Variants in TMTC2 observed in about 807,000 individuals in gnomAD.
The protein encoded by TMTC2 is transmembrane O-mannosyltransferase targeting cadherins 2.
A neutral mutation model predicts 82.4 loss-of-function variants in TMTC2; 43 were observed. The observed-to-expected ratio is 0.52, with a 90% CI of 0.41 to 0.67. The LOEUF (loss-of-function observed/expected upper bound fraction) is 0.67, where lower values mean the gene tolerates loss of function less well. Ranked by LOEUF, TMTC2 falls within the 30% of genes least tolerant of loss-of-function variation. The pLI is 0.00. For synonymous variants in TMTC2, 408 were observed against 381.9 expected, an observed-to-expected ratio of 1.07 and a Z score of -0.80; for missense variants, 919 against 1,012.4, an observed-to-expected ratio of 0.91 and a Z score of 1.25.
At chr12:82,742,359 T>TAAA (rs11454243) in intron 1 of TMTC2, among the ~76,000 whole-genome samples, 3 of 148,428 alleles carry the variant, frequency 2.0e-5, no homozygotes, top group South Asian at 2.1e-4. Flanking sequence ...TGAAGAAGTT[T>TAAA]AAAAAAAAAA....
chr12:82,875,273 G>T (rs1332927814), intron 2 of TMTC2, among the ~76,000 whole-genome samples: 1 of 151,928 alleles, frequency 6.6e-6, no homozygotes, highest in Admixed American at 6.6e-5. Context: ...TTTTACAAGG[G>T]ACTTTTATGT....
At chr12:82,939,649 T>C (rs1332046840) in intron 4 of TMTC2, among the ~76,000 whole-genome samples, 5 of 152,176 alleles carry the variant, frequency 3.3e-5, no homozygotes, top group African/African-American at 1.2e-4. Context: ...TATCCAATTA[T>C]TGGATAGCTA....
intron 9 of TMTC2, among the ~76,000 whole-genome samples, chr12:83,035,780 C>T (rs191748557): frequency 4.9e-4 from 75 of 152,158 alleles, no homozygotes; most frequent in African/African-American, 1.3e-3. Flanking sequence ...AAGGTCAAGA[C>T]GAGAAGTCTC....
rs533030948 is a variant in TMTC2 at position 82,934,417 on chromosome 12, C to T, written c.1598+3872C>T. On this transcript the variant is annotated intron_variant, in intron 4 of 11. Transcript: ENST00000321196. ...TTGACAGGCCCCGGTGTGTGATATTCCCCTCCCTGCGTCCATGTGTTCTCA... is the reference window on the plus strand; with the variant it reads ...TTGACAGGCCCCGGTGTGTGATATTTCCCTCCCTGCGTCCATGTGTTCTCA... Among the ~76,000 whole-genome samples the T allele has an allele frequency of 3.8e-4, 56 of 147,856 alleles. 1 individual carries two copies. The South Asian group carries it at 0.013, about 33-fold the overall frequency.
At chr12:82,803,806 A>G (rs1879121796) in intron 1 of TMTC2, among the ~76,000 whole-genome samples, 1 of 152,024 alleles carries the variant, frequency 6.6e-6, no homozygotes, top group Non-Finnish European at 1.5e-5. Flanking sequence ...CCAAATCAAA[A>G]GGTCAGACAC....
At chr12:83,090,722 A>G (rs1375170243) in intron 11 of TMTC2, among the ~76,000 whole-genome samples, 1 of 152,028 alleles carries the variant, frequency 6.6e-6, no homozygotes, top group Admixed American at 6.6e-5. Context: ...TCCTTCTTAG[A>G]TCCATTTCCT....
intron 4 of TMTC2, among the ~76,000 whole-genome samples, chr12:82,937,919 T>TAA (rs1555199263): frequency 0.013 from 475 of 36,062 alleles, 11 homozygotes; most frequent in African/African-American, 0.025. Context: ...TTTTTTTTTT[T>TAA]TTATTTTTTT....
intron 11 of TMTC2, among the ~76,000 whole-genome samples, chr12:83,101,163 A>G (rs1049865302): frequency 2.6e-5 from 4 of 152,212 alleles, no homozygotes; most frequent in African/African-American, 9.6e-5. Context: ...CAAAATTACA[A>G]TTGAGCACTT....
At chr12:82,727,379 C>G (rs1302698987) in intron 1 of TMTC2, among the ~76,000 whole-genome samples, 1 of 151,960 alleles carries the variant, frequency 6.6e-6, no homozygotes, top group African/African-American at 2.4e-5. Flanking sequence ...TGAATCTTTT[C>G]CAGAGCTACC....
intron 8 of TMTC2, among the ~76,000 whole-genome samples, chr12:83,018,503 A>G (rs1010852473): frequency 3.9e-5 from 6 of 152,194 alleles, no homozygotes; most frequent in African/African-American, 1.2e-4. Context: ...AGTCATGGCT[A>G]ATAGCTAATA....
intron 2 of TMTC2, among the ~76,000 whole-genome samples, chr12:82,892,642 TC>T (rs1436282470): frequency 4.6e-5 from 7 of 152,196 alleles, no homozygotes; most frequent in Non-Finnish European, 1.0e-4. Flanking sequence ...GGCTCTCCTG[TC>T]CCTTGGCTTC....
At chr12:82,798,211 T>C (rs556998693) in intron 1 of TMTC2, among the ~76,000 whole-genome samples, 1 of 148,836 alleles carries the variant, frequency 6.7e-6, no homozygotes, top group East Asian at 2.0e-4. Context: ...TGCCTCAGCC[T>C]CCCAAAGTGC....
chr12:82,959,598 T>A (rs946080278), intron 4 of TMTC2, among the ~76,000 whole-genome samples: 6 of 152,102 alleles, frequency 3.9e-5, no homozygotes, highest in African/African-American at 1.4e-4. Context: ...CAGTAAATAA[T>A]GCTGGGATAG....
At chr12:82,788,265 C>G (rs1399835831) in intron 1 of TMTC2, among the ~76,000 whole-genome samples, 3 of 152,102 alleles carry the variant, frequency 2.0e-5, no homozygotes, top group South Asian at 4.2e-4. Context: ...TTACAATATA[C>G]CTTCTGACCC....
intron 1 of TMTC2, among the ~76,000 whole-genome samples, chr12:82,769,471 C>G (rs536140211): frequency 1.5e-4 from 20 of 134,444 alleles, no homozygotes; most frequent in African/African-American, 5.1e-4. Flanking sequence ...GTGAGACTGT[C>G]TCAAACCAAA....
rs190389995 is a variant in TMTC2, at chr12:82,795,383, C to G, written c.84-61627C>G. 1.7e-3 allele frequency among the ~76,000 whole-genome samples: 263 copies of G among 151,426 alleles called. 2 individuals carry two copies. Among genetic ancestry groups the G allele is most frequent in the African/African-American group, 6.1e-3 (251 of 41,274 alleles). ...GCCTGTATATTCTGTACGTTATATC[C>G]ACTATAGAAAACTCTCAGTCATATG... On this transcript the variant is annotated intron_variant, in intron 1 of 11. Coordinates refer to ENST00000321196, the MANE Select transcript of TMTC2 (RefSeq NM_152588.3).
At chr12:82,751,603 G>T (rs982442476) in intron 1 of TMTC2, among the ~76,000 whole-genome samples, 5 of 152,028 alleles carry the variant, frequency 3.3e-5, no homozygotes, top group Non-Finnish European at 7.4e-5. Flanking sequence ...TTTGAAATTT[G>T]TAAATTGTCA....
chr12:82,864,899 C>T (rs1871758704), intron 2 of TMTC2, among the ~76,000 whole-genome samples: 1 of 151,314 alleles, frequency 6.6e-6, no homozygotes, highest in African/African-American at 2.4e-5. Flanking sequence ...CTACAGTCCT[C>T]ATAAGAAAAA....
intron 1 of TMTC2, among the ~76,000 whole-genome samples, chr12:82,757,348 G>T (rs910860835): frequency 4.6e-5 from 7 of 152,184 alleles, no homozygotes; most frequent in Admixed American, 4.6e-4. Flanking sequence ...GCTCATGAGT[G>T]AAATCTCTTT....
Sources: allele counts gnomAD v4.1 joint callset (sites outside exome capture counted in the v4.1 genomes callset), GRCh38; gene constraint gnomAD v4.1.1; transcripts MANE v1.5; gene names NCBI Gene and HGNC (gene_info 2026-07-23, HGNC 2026-07-21).